PAK5: variants seen among roughly 807,000 people sequenced by gnomAD.
The protein encoded by PAK5 is p21 (RAC1) activated kinase 5.
In PAK5, 16 loss-of-function variants were observed where a neutral mutation model predicts 65.9. The ratio of observed to expected loss-of-function variants is 0.24; its 90% CI spans 0.16 to 0.37. PAK5 has a LOEUF of 0.37. PAK5 is among the 10% of genes least tolerant of loss of function. PAK5 has a pLI of 1.00. For synonymous variants in PAK5, 371 were observed against 354.9 expected (o/e 1.05, Z -0.51); for missense variants, 785 against 903.9 (o/e 0.87, Z 1.69).
At chr20:9,771,705 G>A (rs1202192171) in intron 1 of PAK5, among the ~76,000 whole-genome samples, 1 of 150,320 alleles carries the variant, frequency 6.7e-6, no homozygotes, top group Admixed American at 6.7e-5. Context: ...ACAGGCATGA[G>A]CCACCACACT....
At chr20:9,541,717 C>T (rs1317736784) in intron 9 of PAK5, among the ~76,000 whole-genome samples, 1 of 152,192 alleles carries the variant, frequency 6.6e-6, no homozygotes, top group Non-Finnish European at 1.5e-5. Flanking sequence ...GTTTGGCTCT[C>T]TGTGCCCACT....
intron 3 of PAK5, among the ~76,000 whole-genome samples, chr20:9,606,538 G>A (rs1361912003): frequency 6.6e-6 from 1 of 152,160 alleles, no homozygotes; most frequent in African/African-American, 2.4e-5. Context: ...ATATACAGTG[G>A]CATGAATAAG....
At chr20:9,739,526 C>T (rs894507969) in intron 1 of PAK5, among the ~76,000 whole-genome samples, 2 of 152,040 alleles carry the variant, frequency 1.3e-5, no homozygotes, top group African/African-American at 4.8e-5. Flanking sequence ...ACTAAATTAC[C>T]TGCCCAAGGG....
chr20:9,567,271 C>T (rs6039506), intron 4 of PAK5, among the ~76,000 whole-genome samples: 59,742 of 151,928 alleles, frequency 0.39, 15,693 homozygotes, highest in African/African-American at 0.76. Context: ...CAGAAAAGAT[C>T]TGTTGATTGG....
At chr20:9,761,460 G>A (rs772873960) in intron 1 of PAK5, among the ~76,000 whole-genome samples, 4 of 152,120 alleles carry the variant, frequency 2.6e-5, no homozygotes, top group Non-Finnish European at 4.4e-5. Flanking sequence ...ATTCTACCCT[G>A]CACAATCTAT....
At chr20:9,730,587 T>C (rs2048325743) in intron 1 of PAK5, among the ~76,000 whole-genome samples, 2 of 152,234 alleles carry the variant, frequency 1.3e-5, no homozygotes, top group Non-Finnish European at 2.9e-5. Flanking sequence ...TCTCAGGCTC[T>C]GAAGACTCTT....
intron 1 of PAK5, among the ~76,000 whole-genome samples, chr20:9,769,371 T>C (rs201081652): frequency 2.0e-5 from 3 of 152,226 alleles, no homozygotes; most frequent in East Asian, 3.8e-4. Flanking sequence ...TTCTAATAGT[T>C]CCTCTACATC....
chr20:9,824,715 A>ATCACAG (rs1446910096), intron 1 of PAK5, among the ~76,000 whole-genome samples: 1 of 152,124 alleles, frequency 6.6e-6, no homozygotes, highest in African/African-American at 2.4e-5. Context: ...ACTGCCACCC[A>ATCACAG]TCACAGCCCT....
intron 3 of PAK5, among the ~76,000 whole-genome samples, chr20:9,604,768 C>T (rs2046421161): frequency 6.6e-6 from 1 of 152,152 alleles, no homozygotes; most frequent in Non-Finnish European, 1.5e-5. Context: ...AGAAAAGATA[C>T]CTGGTTGTCT....
intron 2 of PAK5, among the ~76,000 whole-genome samples, chr20:9,681,963 T>C (rs1456039465): frequency 6.6e-6 from 1 of 152,210 alleles, no homozygotes; most frequent in Non-Finnish European, 1.5e-5. Context: ...AACCTAAAGA[T>C]GTAATTCTAT....
intron 1 of PAK5, among the ~76,000 whole-genome samples, chr20:9,755,906 G>A (rs764389346): frequency 1.1e-4 from 17 of 152,138 alleles, no homozygotes; most frequent in Non-Finnish European, 1.6e-4. Context: ...GAAACAATTT[G>A]CCAAGAACCT....
intron 3 of PAK5, among the ~76,000 whole-genome samples, chr20:9,583,169 A>G (rs1273301229): frequency 1.3e-5 from 2 of 152,184 alleles, no homozygotes; most frequent in African/African-American, 2.4e-5. Flanking sequence ...TCATGAACAC[A>G]CTCACACACC....
At chr20:9,581,326 G>A (rs1191474499) in intron 3 of PAK5, among the ~76,000 whole-genome samples, 1 of 151,970 alleles carries the variant, frequency 6.6e-6, no homozygotes, top group Non-Finnish European at 1.5e-5. Flanking sequence ...TAACTGTTTG[G>A]TAATAAAAAA....
intron 2 of PAK5, among the ~76,000 whole-genome samples, chr20:9,672,953 T>C (rs2047520669): frequency 6.6e-6 from 1 of 152,164 alleles, no homozygotes; most frequent in South Asian, 2.1e-4. Flanking sequence ...ATTAGATCCT[T>C]GAGGTCCCTT....
At chr20:9,694,482 A>T (rs1226888032) in intron 2 of PAK5, among the ~76,000 whole-genome samples, 15 of 152,124 alleles carry the variant, frequency 9.9e-5, no homozygotes, top group African/African-American at 3.4e-4. Context: ...GACTTTTCAC[A>T]AAGGGAACAC....
At chr20:9,667,795 TTATG>T (rs1487349781) in intron 2 of PAK5, among the ~76,000 whole-genome samples, 1 of 152,156 alleles carries the variant, frequency 6.6e-6, no homozygotes, top group African/African-American at 2.4e-5. Flanking sequence ...ATATGCAGAT[TTATG>T]TATGTGTGTT....
intron 2 of PAK5, among the ~76,000 whole-genome samples, chr20:9,700,946 T>G (rs938560168): frequency 6.6e-6 from 1 of 152,198 alleles, no homozygotes; most frequent in Non-Finnish European, 1.5e-5. Flanking sequence ...TAGAAAACTC[T>G]AGCTTTCAAG....
At chr20:9,744,032 G>C (rs1334505136) in intron 1 of PAK5, among the ~76,000 whole-genome samples, 1 of 152,198 alleles carries the variant, frequency 6.6e-6, no homozygotes, top group East Asian at 1.9e-4. Context: ...TGCTGGCCTT[G>C]AAGACTGCAG....
chr20:9,778,262 G>A (rs1357688243), intron 1 of PAK5, among the ~76,000 whole-genome samples: 3 of 152,064 alleles, frequency 2.0e-5, no homozygotes, highest in African/African-American at 7.3e-5. Context: ...TTTAAGGATA[G>A]GATCTCACTC....
Sources: gnomAD v4.1 joint callset for allele counts (sites outside exome capture counted in the v4.1 genomes callset) on GRCh38, gnomAD v4.1.1 for gene constraint, MANE v1.5 for transcripts, NCBI Gene and HGNC (gene_info 2026-07-23, HGNC 2026-07-21) for gene names.